Variants in PDE7B observed in about 807,000 individuals in gnomAD.
PDE7B encodes the protein phosphodiesterase 7B, also known as 3',5'-cyclic-AMP phosphodiesterase 7B.
In PDE7B, 29 loss-of-function variants were observed where a neutral mutation model predicts 56.2. The observed-to-expected ratio is 0.52, with a 90% CI of 0.38 to 0.70. The LOEUF (loss-of-function observed/expected upper bound fraction) is 0.70, where lower values mean the gene tolerates loss of function less well. PDE7B is among the 30% of genes least tolerant of loss of function. The pLI, the probability that PDE7B is intolerant of heterozygous loss-of-function variation, is 0.00. For missense variants in PDE7B, 490 were observed against 565.0 expected (o/e 0.87, Z 1.35); for synonymous variants, 197 against 196.9 (o/e 1.00, Z 0.00).
chr6:136,133,601 A>T (rs555015049), intron 3 of PDE7B, among the ~76,000 whole-genome samples: 65 of 152,308 alleles, frequency 4.3e-4, no homozygotes, highest in Middle Eastern at 3.4e-3. Context: ...ACTTCAATAA[A>T]TAGTCATCTC....
chr6:136,061,670 A>C (rs972032737), intron 2 of PDE7B, among the ~76,000 whole-genome samples: 8 of 152,216 alleles, frequency 5.3e-5, no homozygotes, highest in Non-Finnish European at 1.0e-4. Context: ...AGAAGCCATC[A>C]AACCCATTCG....
Position 136,148,780 on chromosome 6 carries a change from A to G in PDE7B, c.319-307A>G, listed in dbSNP as rs140190511. 2.1e-3 allele frequency among the ~76,000 whole-genome samples: 318 copies of G among 152,316 alleles called. 1 individual carries two copies. The highest frequency in any genetic ancestry group is 7.5e-3 in the African/African-American group (311 of 41,568). On this transcript the variant is annotated intron_variant, in intron 4 of 12. Coordinates refer to ENST00000308191, the MANE Select transcript of PDE7B (RefSeq NM_018945.4). ...GGAAAGGACAGAGGGCTGGAAGTCC[A>G]GCTATCACAGGCCAAGTCCTAGGGC... is the stretch of plus-strand genomic sequence containing the variant.
chr6:135,959,077 G>T (rs76004635), intron 2 of PDE7B, among the ~76,000 whole-genome samples: 2 of 152,052 alleles, frequency 1.3e-5, no homozygotes, highest in Admixed American at 6.6e-5. Context: ...ATGAAATCTT[G>T]TACATTGCCA....
chr6:136,111,718 A>C (rs768761092), intron 3 of PDE7B, among the ~76,000 whole-genome samples: 1 of 152,198 alleles, frequency 6.6e-6, no homozygotes, highest in African/African-American at 2.4e-5. Context: ...AAAGGGAAAC[A>C]TCTTGGGACA....
chr6:135,855,641 C>T (rs1475156691), intron 1 of PDE7B, among the ~76,000 whole-genome samples: 1 of 152,156 alleles, frequency 6.6e-6, no homozygotes, highest in African/African-American at 2.4e-5. Flanking sequence ...GTTGATTCAG[C>T]TGCTGTACAG....
chr6:136,112,707 CAGAG>C (rs1208369875), intron 3 of PDE7B: 1 of 151,570 alleles, frequency 6.6e-6, no homozygotes, highest in African/African-American at 2.4e-5. Context: ...GAAGAATAAA[CAGAG>C]AGGGAACCTC....
At chr6:136,171,119 A>C (rs943120412) in intron 8 of PDE7B, among the ~76,000 whole-genome samples, 1 of 152,208 alleles carries the variant, frequency 6.6e-6, no homozygotes, top group African/African-American at 2.4e-5. Flanking sequence ...TTTCCTAATT[A>C]GAACAAAACA....
At chr6:136,140,839 T>C (rs907111666) in intron 3 of PDE7B, among the ~76,000 whole-genome samples, 1 of 152,214 alleles carries the variant, frequency 6.6e-6, no homozygotes, top group Non-Finnish European at 1.5e-5. Context: ...TTGCTGAAGT[T>C]GCCTATCAGC....
chr6:135,888,559 G>C (rs1775752131), intron 1 of PDE7B, among the ~76,000 whole-genome samples: 1 of 151,760 alleles, frequency 6.6e-6, no homozygotes, highest in Admixed American at 6.6e-5. Context: ...TAAAATATAG[G>C]TATAAAATAA....
intron 3 of PDE7B, among the ~76,000 whole-genome samples, chr6:136,119,273 T>G (rs1465434617): frequency 6.6e-6 from 1 of 152,226 alleles, no homozygotes; most frequent in Non-Finnish European, 1.5e-5. Context: ...TTATGTTTAT[T>G]AAAATATGCC....
chr6:136,038,680 T>A (rs754131200), intron 2 of PDE7B, among the ~76,000 whole-genome samples: 1 of 152,152 alleles, frequency 6.6e-6, no homozygotes, highest in African/African-American at 2.4e-5. Flanking sequence ...ATGATAGAAA[T>A]GCATCTTGAA....
At position 136,186,831 on chromosome 6, in the gene PDE7B, T is replaced by C. The variant is rs143593971; in HGVS notation, c.1046-205T>C. On this transcript the variant is annotated intron_variant, in intron 11 of 12. Coordinates refer to ENST00000308191, the MANE Select transcript of PDE7B (RefSeq NM_018945.4). ...AGCAATAAGCCATTATGAACGGTCA[T>C]TGGCACTGTGGTATTTTAAATTTTT... 4.6e-5 allele frequency among the ~76,000 whole-genome samples: 7 copies of C among 152,352 alleles called. No homozygotes were observed. In the East Asian group the frequency reaches 1.3e-3, roughly 29 times the overall value.
rs1236288469 is a variant in PDE7B at position 136,155,619 on chromosome 6, T to C, written c.580-8T>C. 3 of 1,599,070 alleles carry C rather than the reference T, an allele frequency of 1.9e-6. No homozygotes were observed. Among genetic ancestry groups the C allele is most frequent in the Non-Finnish European group, 2.6e-6 (3 of 1,172,374 alleles). On this transcript the variant is annotated splice_region_variant and splice_polypyrimidine_tract_variant and intron_variant, in intron 7 of 12. Transcript: ENST00000308191. ...ACCAATCAATCTCCCAATTTGTTTTTTTAACAGCTTGCCAGCTTCCTCACG... is the reference window on the plus strand; with the variant it reads ...ACCAATCAATCTCCCAATTTGTTTTCTTAACAGCTTGCCAGCTTCCTCACG...
chr6:136,172,218 C>T (rs1778895899), intron 8 of PDE7B, among the ~76,000 whole-genome samples: 4 of 152,208 alleles, frequency 2.6e-5, no homozygotes, highest in Admixed American at 1.3e-4. Flanking sequence ...GCCACACTGA[C>T]TTCCACAAGG....
At chr6:136,026,071 G>A (rs370132375) in intron 2 of PDE7B, among the ~76,000 whole-genome samples, 6 of 152,108 alleles carry the variant, frequency 3.9e-5, no homozygotes, top group African/African-American at 7.2e-5. Flanking sequence ...CCCAAGAATC[G>A]AGGTCAGAGA....
At chr6:136,060,946 A>G (rs1425056018) in intron 2 of PDE7B, among the ~76,000 whole-genome samples, 3 of 152,212 alleles carry the variant, frequency 2.0e-5, no homozygotes, top group African/African-American at 4.8e-5. Context: ...GAGAATTGTC[A>G]TACTATTTTC....
chr6:135,959,033 A>G (rs1774852146), intron 2 of PDE7B, among the ~76,000 whole-genome samples: 2 of 152,132 alleles, frequency 1.3e-5, no homozygotes, highest in Admixed American at 1.3e-4. Context: ...CATTTTTTAC[A>G]TTTTCTGACT....
Position 135,928,485 on chromosome 6 carries a change from ATT to A in PDE7B, c.22-18977_22-18976del, listed in dbSNP as rs1491126301. 7.6e-3 allele frequency among the ~76,000 whole-genome samples: 625 copies of A among 81,984 alleles called. 16 individuals are homozygous for A. The highest frequency in any genetic ancestry group is 0.021 in the African/African-American group (558 of 26,786). 53.8% of individuals were successfully genotyped at this position (81,984 alleles called of 152,430 possible). On this transcript the variant is annotated intron_variant, in intron 1 of 12. Transcript: ENST00000308191. ...TATATTTATTTATATATATATATTT[ATT>A]TATATATATATATTTATATATATAT... is the stretch of plus-strand genomic sequence containing the variant.
At chr6:136,173,575 A>G (rs1778928008) in intron 8 of PDE7B, among the ~76,000 whole-genome samples, 1 of 152,192 alleles carries the variant, frequency 6.6e-6, no homozygotes, top group Non-Finnish European at 1.5e-5. Context: ...ACCCTGCAGC[A>G]GAGGGTGAGC....
Sources: allele counts gnomAD v4.1 joint callset (sites outside exome capture counted in the v4.1 genomes callset), GRCh38; gene constraint gnomAD v4.1.1; transcripts MANE v1.5; gene names NCBI Gene and HGNC (gene_info 2026-07-23, HGNC 2026-07-21).